ZNF555: variants seen among roughly 807,000 people sequenced by gnomAD.
ZNF555 encodes the protein zinc finger protein 555.
Under a neutral mutation model 14.0 loss-of-function variants are expected in ZNF555, and 10 were observed. The observed-to-expected ratio is 0.72, with a 90% CI of 0.44 to 1.21. The LOEUF (loss-of-function observed/expected upper bound fraction) is 1.21. Ranked by LOEUF, ZNF555 falls within the 50% of genes most tolerant of loss-of-function variation. ZNF555 has a pLI of 0.00. For synonymous variants in ZNF555, 277 were observed against 262.4 expected, an observed-to-expected ratio of 1.06 and a Z score of -0.54; for missense variants, 747 against 762.0, an observed-to-expected ratio of 0.98 and a Z score of 0.23.
rs1022893087 is a variant in ZNF555, at chr19:2,857,838, T to G, written c.*3886T>G. On this transcript the variant is annotated 3_prime_UTR_variant, in exon 4 of 4. Coordinates refer to ENST00000334241, the MANE Select transcript of ZNF555 (RefSeq NM_152791.5). ...CACTGGGCGACAGAGCAAGACCCTG[T>G]CTCAAAAAAAAAGGAATACAAAACA... The G allele has an allele frequency of 6.6e-6, 1 of 151,866 alleles. No homozygotes were observed. The highest frequency in any genetic ancestry group is 2.1e-4 in the South Asian group (1 of 4,822). The allele number at this position is 151,866 out of a possible 1,614,324, so 9.4% of individuals were successfully genotyped here. A position where few individuals can be genotyped will look rare whatever the true frequency, so the allele number is the denominator to read the frequency against.
chr19:2,853,664 G>A lies in ZNF555; in HGVS notation c.1599G>A (p.Glu533=), dbSNP rs747233366. ...LQQHVRTHTV[E]KPYECKECGK... ...AACATGTGAGAACGCACACTGTAGAGAAGCCCTATGAATGTAAGGAATGTG... is the reference window on the plus strand; with the variant it reads ...AACATGTGAGAACGCACACTGTAGAAAAGCCCTATGAATGTAAGGAATGTG... The change falls in exon 4 of 4, where the codon GAG becomes GAA. Residue 533 remains glutamate (E), a synonymous_variant. Transcript: ENST00000334241. 3 of 1,584,826 alleles carry A rather than the reference G, an allele frequency of 1.9e-6. No individual in the cohort carries two copies. The highest frequency in any genetic ancestry group is 4.5e-5 in the East Asian group (2 of 44,768).
rs899945285 is a variant in ZNF555 at position 2,853,832 on chromosome 19, A to G, written c.1767A>G (p.Glu589=). The G allele has an allele frequency of 1.2e-6, 2 of 1,613,810 alleles. No homozygotes were observed. The highest frequency in any genetic ancestry group is 2.7e-5 in the African/African-American group (2 of 74,940). Residue 589 remains glutamate (E), a synonymous_variant, in exon 4 of 4, where the codon GAA becomes GAG. Transcript: ENST00000334241. ...LRRHVRIHTT[E]KQYKCNVGHP... ...GACATGTGAGAATACACACTACAGAAAAACAGTATAAGTGTAATGTAGGAC... is the reference window on the plus strand; with the variant it reads ...GACATGTGAGAATACACACTACAGAGAAACAGTATAAGTGTAATGTAGGAC...
At chr19:2,848,440 C>T (rs1007301130) in intron 1 of ZNF555, among the ~76,000 whole-genome samples, 2 of 151,508 alleles carry the variant, frequency 1.3e-5, no homozygotes, top group African/African-American at 2.4e-5. Flanking sequence ...GCGTGAGCCA[C>T]CGCACCCAGC....
rs1262634258 is a variant in ZNF555 at position 2,858,393 on chromosome 19, G to C, written c.*4441G>C. On this transcript the variant is annotated 3_prime_UTR_variant, in exon 4 of 4. Coordinates refer to ENST00000334241, the MANE Select transcript of ZNF555 (RefSeq NM_152791.5). Reference sequence around the variant, plus strand: ...GAATCTGTCTTTGAGTTTACACCAGGTTCTTCCCATCTGATCTTTGGGAAT... The same window carrying C: ...GAATCTGTCTTTGAGTTTACACCAGCTTCTTCCCATCTGATCTTTGGGAAT... 6.6e-6 allele frequency: 1 copy of C among 152,162 alleles called. No homozygotes were observed. The highest frequency in any genetic ancestry group is 1.5e-5 in the Non-Finnish European group (1 of 68,064). The allele number at this position is 152,162 out of a possible 1,614,324, so 9.4% of individuals were successfully genotyped here.
At position 2,859,579 on chromosome 19, in the gene ZNF555, G is replaced by A. The variant is rs1257308618; in HGVS notation, c.*5627G>A. ...CTGAGCTCCCTGGGTCTGGTAGTGA[G>A]GAGCTCAGTCTTAGAATATGAGCCG... On this transcript the variant is annotated 3_prime_UTR_variant, in exon 4 of 4. Coordinates refer to ENST00000334241, the MANE Select transcript of ZNF555 (RefSeq NM_152791.5). The A allele has an allele frequency of 6.6e-6, 1 of 152,230 alleles. No individual in the cohort carries two copies. Among genetic ancestry groups the A allele is most frequent in the African/African-American group, 2.4e-5 (1 of 41,420 alleles). 9.4% of individuals were successfully genotyped at this position (152,230 alleles called of 1,614,324 possible).
Position 2,853,366 on chromosome 19 carries a change from A to T in ZNF555, c.1301A>T (p.Asn434Ile), listed in dbSNP as rs114206435. The T allele has an allele frequency of 5.6e-6, 9 of 1,613,894 alleles. No individual in the cohort carries two copies. The highest frequency in any genetic ancestry group is 1.3e-5 in the African/African-American group (1 of 74,902). The change falls in exon 4 of 4, where the codon AAT becomes ATT. Residue 434 changes from asparagine (N) to isoleucine (I), a missense_variant. By Grantham distance (149) the Asn-to-Ile change is moderately radical. Transcript: ENST00000334241. Reference sequence around the variant, plus strand: ...TGCAAGCAATGTGGGAAAACTTTCAATTGGCCCATATCTTTACGAAAACAT... The same window carrying T: ...TGCAAGCAATGTGGGAAAACTTTCATTTGGCCCATATCTTTACGAAAACAT... ...YECKQCGKTF[N>I]WPISLRKHMR...
rs935088870 is a variant in ZNF555, at chr19:2,859,399, A to G, written c.*5447A>G. The G allele has an allele frequency of 3.3e-5, 5 of 152,102 alleles. No individual in the cohort carries two copies. The highest frequency in any genetic ancestry group is 3.3e-4 in the Admixed American group (5 of 15,266). 9.4% of individuals were successfully genotyped at this position (152,102 alleles called of 1,614,324 possible). ...GCCTTCATCTTGTGATGGCAGATGT[A>G]CTTGAGTAGACACGACAGACGGGGA... On this transcript the variant is annotated 3_prime_UTR_variant, in exon 4 of 4. Transcript: ENST00000334241.
chr19:2,846,893 T>C (rs1176755459), intron 1 of ZNF555, among the ~76,000 whole-genome samples: 2 of 152,208 alleles, frequency 1.3e-5, no homozygotes, highest in African/African-American at 4.8e-5. Context: ...ATTAACAAAC[T>C]AGAAACTACT....
At chr19:2,841,640 C>T in intron 1 of ZNF555, 65 bp downstream of exon 1, 2 of 1,440,626 alleles carry the variant, frequency 1.4e-6, no homozygotes, top group Non-Finnish European at 1.8e-6. Context: ...CCCGAGACCG[C>T]GGCTTGGGGG....
intron 1 of ZNF555, among the ~76,000 whole-genome samples, chr19:2,843,042 C>CA (rs776901173): frequency 6.5e-3 from 555 of 85,698 alleles, no homozygotes; most frequent in Middle Eastern, 9.8e-3. Context: ...GACTCCGTCT[C>CA]AAAAAAAAAA....
chr19:2,846,449 C>T (rs1197776930), intron 1 of ZNF555, among the ~76,000 whole-genome samples: 1 of 152,210 alleles, frequency 6.6e-6, no homozygotes, highest in Non-Finnish European at 1.5e-5. Flanking sequence ...GACCAGCCAG[C>T]ACCCCTGATG....
chr19:2,845,555 T>C (rs563333247), intron 1 of ZNF555, among the ~76,000 whole-genome samples: 2 of 152,338 alleles, frequency 1.3e-5, no homozygotes, highest in East Asian at 3.9e-4. Context: ...TCATAGAGGT[T>C]GTACTAACTT....
intron 1 of ZNF555, among the ~76,000 whole-genome samples, chr19:2,846,786 G>T (rs1475812735): frequency 6.6e-6 from 1 of 152,190 alleles, no homozygotes; most frequent in African/African-American, 2.4e-5. Context: ...TTGGTCTCGT[G>T]AATCTTAGAG....
intron 1 of ZNF555, among the ~76,000 whole-genome samples, chr19:2,847,069 A>C (rs2087587570): frequency 6.6e-6 from 1 of 152,214 alleles, no homozygotes; most frequent in Non-Finnish European, 1.5e-5. Context: ...AGGGGCAAAG[A>C]GCAAAGAAGT....
Position 2,851,454 on chromosome 19 carries a change from C to T in ZNF555, c.131-14C>T. On this transcript the variant is annotated splice_polypyrimidine_tract_variant and intron_variant, in intron 2 of 3. Transcript: ENST00000334241. ...AGTGCCTTCTTATATGATTTGTTTACTTTTTGGTTTCAGATGATGAAACTC... is the reference window on the plus strand; with the variant it reads ...AGTGCCTTCTTATATGATTTGTTTATTTTTTGGTTTCAGATGATGAAACTC... 6.4e-7 allele frequency: 1 copy of T among 1,559,840 alleles called. No individual in the cohort carries two copies. Among genetic ancestry groups the T allele is most frequent in the Non-Finnish European group, 8.6e-7 (1 of 1,157,102 alleles).
intron 1 of ZNF555, among the ~76,000 whole-genome samples, chr19:2,844,887 A>C (rs1014066322): frequency 1.3e-5 from 2 of 152,238 alleles, no homozygotes; most frequent in Non-Finnish European, 2.9e-5. Context: ...ACACTGCAGT[A>C]ATGATTTCAC....
chr19:2,849,228 G>A (rs904592403), intron 1 of ZNF555, among the ~76,000 whole-genome samples: 5 of 151,962 alleles, frequency 3.3e-5, no homozygotes, highest in African/African-American at 1.2e-4. Context: ...TGAGGGAACC[G>A]TGCATCTCGG....
chr19:2,843,459 T>C (rs567129898), intron 1 of ZNF555, among the ~76,000 whole-genome samples: 5 of 152,294 alleles, frequency 3.3e-5, no homozygotes, highest in South Asian at 2.1e-4. Context: ...TAAATAGGAT[T>C]CCAGGGCCTA....
At chr19:2,846,794 G>C (rs981857092) in intron 1 of ZNF555, among the ~76,000 whole-genome samples, 1 of 152,182 alleles carries the variant, frequency 6.6e-6, no homozygotes, top group African/African-American at 2.4e-5. Context: ...GTGAATCTTA[G>C]AGTCCAAATT....
Sources: allele counts gnomAD v4.1 joint callset (sites outside exome capture counted in the v4.1 genomes callset), GRCh38; gene constraint gnomAD v4.1.1; transcripts MANE v1.5; gene names NCBI Gene and HGNC (gene_info 2026-07-23, HGNC 2026-07-21).